The following C1GALT1 variants were observed in gnomAD, a reference collection of about 807,000 sequenced individuals.
The protein encoded by C1GALT1 is glycoprotein-N-acetylgalactosamine 3-beta-galactosyltransferase 1.
Under a neutral mutation model 31.0 loss-of-function variants are expected in C1GALT1, and 11 were observed. That is an observed-to-expected ratio of 0.36 (90% CI 0.22 to 0.59). C1GALT1 has a LOEUF of 0.59. C1GALT1 is among the 20% of genes least tolerant of loss of function. C1GALT1 has a pLI of 0.79. For missense variants in C1GALT1, 424 were observed against 425.2 expected, an observed-to-expected ratio of 1.00 and a Z score of 0.03; for synonymous variants, 175 against 143.6, an observed-to-expected ratio of 1.22 and a Z score of -1.56.
intron 1 of C1GALT1, among the ~76,000 whole-genome samples, chr7:7,206,696 G>C (rs1178845484): frequency 3.3e-5 from 5 of 149,826 alleles, no homozygotes; most frequent in Admixed American, 3.3e-4. Flanking sequence ...AAAAAGAAGA[G>C]AATGTCTCAG....
At chr7:7,230,934 T>C (rs1436507728) in intron 1 of C1GALT1, among the ~76,000 whole-genome samples, 2 of 152,134 alleles carry the variant, frequency 1.3e-5, no homozygotes, top group Non-Finnish European at 2.9e-5. Context: ...ATAGCCAATA[T>C]TTATTTGGAT....
intron 1 of C1GALT1, 150 bp downstream of exon 1, chr7:7,182,970 G>C (rs1402179148): frequency 2.2e-6 from 1 of 461,640 alleles, no homozygotes; most frequent in Non-Finnish European, 2.8e-6. Flanking sequence ...AGCCGGGCTG[G>C]GGTCGTCCGG....
intron 2 of C1GALT1, among the ~76,000 whole-genome samples, chr7:7,236,582 T>C (rs966396411): frequency 6.6e-6 from 1 of 152,080 alleles, no homozygotes; most frequent in Non-Finnish European, 1.5e-5. Context: ...ACTGCAGTGG[T>C]GGGATCTCGG....
intron 2 of C1GALT1, among the ~76,000 whole-genome samples, chr7:7,237,379 T>C (rs915832176): frequency 1.3e-5 from 2 of 152,234 alleles, no homozygotes; most frequent in African/African-American, 4.8e-5. Context: ...AGTTTTACGC[T>C]CACTGCTTAC....
chr7:7,200,664 G>A (rs1368443662), intron 1 of C1GALT1, among the ~76,000 whole-genome samples: 1 of 152,028 alleles, frequency 6.6e-6, no homozygotes, highest in Non-Finnish European at 1.5e-5. Context: ...TTTTCACATG[G>A]TCCCATATTT....
At position 7,195,719 on chromosome 7, in the gene C1GALT1, C is replaced by A. The variant is rs377185945; in HGVS notation, c.-18+12899C>A. Reference sequence around the variant, plus strand: ...GGGGTATAGTTTAAGTGCATTGTATCTCTATTGATTTTCTGTCCTGATGAC... The same window carrying A: ...GGGGTATAGTTTAAGTGCATTGTATATCTATTGATTTTCTGTCCTGATGAC... On this transcript the variant is annotated intron_variant, in intron 1 of 3. Transcript: ENST00000436587. Among the ~76,000 whole-genome samples, 10 of 152,220 alleles carry A rather than the reference C, an allele frequency of 6.6e-5. No individual in the cohort carries two copies. In the East Asian group the frequency reaches 1.7e-3, roughly 26 times the overall value.
At chr7:7,227,802 G>A (rs941538668) in intron 1 of C1GALT1, among the ~76,000 whole-genome samples, 7 of 151,960 alleles carry the variant, frequency 4.6e-5, no homozygotes, top group African/African-American at 1.7e-4. Flanking sequence ...GATGCTCTGT[G>A]CCACCTCAAG....
chr7:7,182,550 C>G lies in C1GALT1; in HGVS notation c.-288C>G, dbSNP rs740531. 0.16 allele frequency: 24,166 copies of G among 152,416 alleles called. 2,796 individuals carry two copies. The highest frequency in any genetic ancestry group is 0.32 in the East Asian group (1,622 of 5,142). The allele number at this position is 152,416 out of a possible 1,614,324, so 9.4% of individuals were successfully genotyped here. A position where few individuals can be genotyped will look rare whatever the true frequency, so the allele number is the denominator to read the frequency against. On this transcript the variant is annotated 5_prime_UTR_variant, in exon 1 of 4. Coordinates refer to ENST00000436587, the MANE Select transcript of C1GALT1 (RefSeq NM_020156.5). Reference sequence around the variant, plus strand: ...CGGCGGAGACGTCAGCGCCAGGAGACTTCGGGTGGCGGCTGCGCCATAGGC... The same window carrying G: ...CGGCGGAGACGTCAGCGCCAGGAGAGTTCGGGTGGCGGCTGCGCCATAGGC...
upstream of C1GALT1, among the ~76,000 whole-genome samples, chr7:7,182,245 A>G (rs1300312583): frequency 6.6e-6 from 1 of 152,178 alleles, no homozygotes; most frequent in Admixed American, 6.5e-5. Flanking sequence ...AAGGTCCTTC[A>G]AGCATCCCCT....
At chr7:7,219,084 C>T (rs6979917) in intron 1 of C1GALT1, among the ~76,000 whole-genome samples, 60,363 of 151,936 alleles carry the variant, frequency 0.4, 12,388 homozygotes, top group East Asian at 0.54. Context: ...GTGATCCGCC[C>T]GCCTCGGCCT....
intron 1 of C1GALT1, among the ~76,000 whole-genome samples, chr7:7,211,451 A>G (rs549449092): frequency 1.3e-5 from 2 of 152,348 alleles, no homozygotes; most frequent in African/African-American, 4.8e-5. Context: ...TAAAACTTTC[A>G]TGCTTCCTTG....
At position 7,245,682 on chromosome 7, in the gene C1GALT1, C is replaced by G. The variant is rs1783817090; in HGVS notation, c.*1955C>G. 6.6e-6 allele frequency: 1 copy of G among 152,186 alleles called. No homozygotes were observed. Among genetic ancestry groups the G allele is most frequent in the Non-Finnish European group, 1.5e-5 (1 of 68,040 alleles). 9.4% of individuals were successfully genotyped at this position (152,186 alleles called of 1,614,324 possible). ...ATTTTATTCTTTGAACAACTCTTCA[C>G]CATGGTGTGGACATGAATTTTCATA... On this transcript the variant is annotated 3_prime_UTR_variant, in exon 4 of 4. Coordinates refer to ENST00000436587, the MANE Select transcript of C1GALT1 (RefSeq NM_020156.5).
intron 1 of C1GALT1, among the ~76,000 whole-genome samples, chr7:7,209,739 G>A (rs1280199053): frequency 6.6e-6 from 1 of 152,162 alleles, no homozygotes; most frequent in African/African-American, 2.4e-5. Flanking sequence ...TTTCACTCAC[G>A]TCCGTGTGAA....
intron 2 of C1GALT1, among the ~76,000 whole-genome samples, chr7:7,236,376 C>T (rs1456236237): frequency 6.6e-6 from 1 of 152,110 alleles, no homozygotes; most frequent in Non-Finnish European, 1.5e-5. Flanking sequence ...TCTATCCATT[C>T]AAGGTTTGGT....
intron 1 of C1GALT1, among the ~76,000 whole-genome samples, chr7:7,193,108 C>G (rs1175461086): frequency 6.6e-6 from 1 of 151,988 alleles, no homozygotes; most frequent in Admixed American, 6.6e-5. Context: ...TGTGGGTTGT[C>G]TGTTTACTGA....
intron 1 of C1GALT1, among the ~76,000 whole-genome samples, chr7:7,194,777 G>A (rs1781216967): frequency 6.6e-6 from 1 of 152,082 alleles, no homozygotes; most frequent in Non-Finnish European, 1.5e-5. Context: ...ATATTGGATA[G>A]AATTTAGCTG....
chr7:7,229,003 C>G (rs1159241254), intron 1 of C1GALT1, among the ~76,000 whole-genome samples: 1 of 152,132 alleles, frequency 6.6e-6, no homozygotes, highest in Non-Finnish European at 1.5e-5. Context: ...TGTTAGTATT[C>G]ATAGTTGATG....
chr7:7,226,085 A>C (rs558918010), intron 1 of C1GALT1, among the ~76,000 whole-genome samples: 1 of 152,154 alleles, frequency 6.6e-6, no homozygotes, highest in Non-Finnish European at 1.5e-5. Context: ...TCGAGTTTTC[A>C]GGTTGCTGTG....
chr7:7,182,403 A>C (rs1376831326), upstream of C1GALT1: 1 of 152,216 alleles, frequency 6.6e-6, no homozygotes, highest in Non-Finnish European at 1.5e-5. Context: ...GCAAGATCCG[A>C]CTTCCCAGAC....
Sources: gnomAD v4.1 joint callset for allele counts (sites outside exome capture counted in the v4.1 genomes callset) on GRCh38, gnomAD v4.1.1 for gene constraint, MANE v1.5 for transcripts, NCBI Gene and HGNC (gene_info 2026-07-23, HGNC 2026-07-21) for gene names.